Variants in CSMD1 observed in about 807,000 individuals in gnomAD.
The protein encoded by CSMD1 is CUB and Sushi multiple domains 1, also known as CUB and sushi domain-containing protein 1.
CSMD1 carries 213 observed loss-of-function variants against 417.5 expected under a neutral mutation model. That is an observed-to-expected ratio of 0.51 (90% CI 0.46 to 0.57). CSMD1 has a LOEUF of 0.57. CSMD1 is among the 20% of genes least tolerant of loss of function. The pLI is 0.00. For missense variants in CSMD1, 6,923 were observed against 4,529.7 expected (o/e 1.53, Z -15.17); for synonymous variants, 2,862 against 1,736.8 (o/e 1.65, Z -16.11).
chr8:3,624,928 C>T (rs778562945), intron 7 of CSMD1, among the ~76,000 whole-genome samples: 3 of 152,108 alleles, frequency 2.0e-5, no homozygotes, highest in Admixed American at 2.0e-4. Context: ...TCATGCCACA[C>T]CCTTCTTCAA....
At chr8:3,557,820 A>C (rs1194300283) in intron 10 of CSMD1, among the ~76,000 whole-genome samples, 1 of 152,216 alleles carries the variant, frequency 6.6e-6, no homozygotes, top group Non-Finnish European at 1.5e-5. Flanking sequence ...TTGATTATTA[A>C]TAGCATTATC....
At chr8:4,302,114 G>A (rs541354551) in intron 3 of CSMD1, among the ~76,000 whole-genome samples, 32 of 152,178 alleles carry the variant, frequency 2.1e-4, no homozygotes, top group Non-Finnish European at 3.8e-4. Context: ...TCATTATGTA[G>A]AAGCAAGCTA....
intron 3 of CSMD1, among the ~76,000 whole-genome samples, chr8:4,038,392 T>G (rs73509399): frequency 0.012 from 1,853 of 152,270 alleles, 24 homozygotes; most frequent in African/African-American, 0.043. Flanking sequence ...ATTGATGGAA[T>G]TGTTGCTAGG....
At chr8:3,771,847 T>C (rs1444565436) in intron 5 of CSMD1, among the ~76,000 whole-genome samples, 1 of 152,122 alleles carries the variant, frequency 6.6e-6, no homozygotes, top group East Asian at 1.9e-4. Context: ...TCTCACTCCT[T>C]GTCCTTGCTT....
At chr8:4,958,413 G>T (rs942760869) in intron 1 of CSMD1, among the ~76,000 whole-genome samples, 10 of 152,172 alleles carry the variant, frequency 6.6e-5, no homozygotes, top group African/African-American at 1.7e-4. Context: ...TCTTCAAAAT[G>T]TAAGTCTATA....
chr8:3,015,071 T>C (rs1057465869), intron 52 of CSMD1, among the ~76,000 whole-genome samples: 1 of 149,202 alleles, frequency 6.7e-6, no homozygotes, highest in Non-Finnish European at 1.5e-5. Context: ...AAAATTAAAA[T>C]TAAAAAAGTT....
chr8:4,867,844 T>C (rs1368928262), intron 1 of CSMD1, among the ~76,000 whole-genome samples: 4 of 152,092 alleles, frequency 2.6e-5, no homozygotes, highest in African/African-American at 9.7e-5. Context: ...GAGTGTAAAT[T>C]CTCAATATTT....
At chr8:3,895,988 G>A (rs1046706114) in intron 5 of CSMD1, among the ~76,000 whole-genome samples, 9 of 152,172 alleles carry the variant, frequency 5.9e-5, no homozygotes, top group Admixed American at 3.9e-4. Context: ...CCCTATTACT[G>A]TAAATCATTC....
intron 21 of CSMD1, among the ~76,000 whole-genome samples, chr8:3,357,011 C>A (rs543320407): frequency 1.5e-4 from 23 of 151,798 alleles, no homozygotes; most frequent in African/African-American, 5.3e-4. Context: ...CCAGGGAAAG[C>A]ATCAGGGGGA....
chr8:4,242,541 T>G (rs571901404), intron 3 of CSMD1, among the ~76,000 whole-genome samples: 1 of 152,340 alleles, frequency 6.6e-6, no homozygotes, highest in South Asian at 2.1e-4. Context: ...AACTAGTCTT[T>G]CCCCTTCTAG....
intron 2 of CSMD1, among the ~76,000 whole-genome samples, chr8:4,494,613 G>C (rs1175254953): frequency 6.6e-6 from 1 of 151,780 alleles, no homozygotes; most frequent in African/African-American, 2.4e-5. Context: ...ACTAACTATG[G>C]GTTTTAAAAG....
intron 1 of CSMD1, among the ~76,000 whole-genome samples, chr8:4,907,430 T>A (rs1367980996): frequency 6.6e-6 from 1 of 152,190 alleles, no homozygotes; most frequent in Non-Finnish European, 1.5e-5. Flanking sequence ...TTGGGCAAAA[T>A]ACATAAATAT....
intron 33 of CSMD1, among the ~76,000 whole-genome samples, chr8:3,196,913 T>C (rs1796736475): frequency 6.6e-6 from 1 of 152,094 alleles, no homozygotes; most frequent in African/African-American, 2.4e-5. Flanking sequence ...CATGGATACA[T>C]CCATGCTGAA....
rs1487193723 is a variant in CSMD1, at chr8:3,027,750, C to T, written c.7855+1569G>A. Among the ~76,000 whole-genome samples, 3 of 152,266 alleles carry T rather than the reference C, an allele frequency of 2.0e-5. No individual in the cohort carries two copies. The South Asian group carries it at 6.2e-4, about 32-fold the overall frequency. ...GCTCCGTGTCAGAAACACCAGAATA[C>T]AGTTGATAAAACCAGAGGCAGGAAA... On this transcript the variant is annotated intron_variant, in intron 51 of 69. Transcript: ENST00000635120.
At chr8:3,059,068 T>C (rs1812417026) in intron 49 of CSMD1, among the ~76,000 whole-genome samples, 1 of 151,988 alleles carries the variant, frequency 6.6e-6, no homozygotes, top group Non-Finnish European at 1.5e-5. Context: ...GAGAATCCTG[T>C]TCCCCGCATG....
chr8:3,528,046 T>C (rs1197742532), intron 10 of CSMD1, among the ~76,000 whole-genome samples: 1 of 152,102 alleles, frequency 6.6e-6, no homozygotes, highest in Non-Finnish European at 1.5e-5. Flanking sequence ...ATTTGTCCCC[T>C]GGGTGGCAAA....
intron 7 of CSMD1, among the ~76,000 whole-genome samples, chr8:3,693,087 G>A (rs1182733304): frequency 1.3e-5 from 2 of 152,072 alleles, no homozygotes; most frequent in Admixed American, 6.6e-5. Context: ...TATTCTAGAT[G>A]TTGAATACAA....
At chr8:4,818,935 C>A (rs536136337) in intron 1 of CSMD1, among the ~76,000 whole-genome samples, 1 of 152,084 alleles carries the variant, frequency 6.6e-6, no homozygotes, top group East Asian at 1.9e-4. Flanking sequence ...GTTTCTGATT[C>A]CAAGACCTGT....
At chr8:3,523,577 G>A (rs1271332570) in intron 10 of CSMD1, among the ~76,000 whole-genome samples, 3 of 147,400 alleles carry the variant, frequency 2.0e-5, no homozygotes, top group Non-Finnish European at 4.6e-5. Context: ...ACACACACAT[G>A]TACACACAGA....
Sources: allele counts gnomAD v4.1 joint callset (sites outside exome capture counted in the v4.1 genomes callset), GRCh38; gene constraint gnomAD v4.1.1; transcripts MANE v1.5; gene names NCBI Gene and HGNC (gene_info 2026-07-23, HGNC 2026-07-21).